Variants in SPRY3 observed in about 807,000 individuals in gnomAD.
The protein encoded by SPRY3 is protein sprouty homolog 3.
Under a neutral mutation model 20.2 loss-of-function variants are expected in SPRY3, and 15 were observed. The ratio of observed to expected loss-of-function variants is 0.74; its 90% CI spans 0.50 to 1.14. The LOEUF (loss-of-function observed/expected upper bound fraction) is 1.14. Ranked by LOEUF, SPRY3 falls within the 50% of genes most tolerant of loss-of-function variation. SPRY3 has a pLI of 0.00. For synonymous variants in SPRY3, 143 were observed against 136.5 expected (o/e 1.05, Z -0.33); for missense variants, 364 against 363.9 (o/e 1.00, Z 0.00).
intron 2 of SPRY3, among the ~76,000 whole-genome samples, chrX:155,751,614 A>G (rs2091262404): frequency 6.6e-6 from 1 of 151,814 alleles, no homozygotes; most frequent in Admixed American, 6.6e-5. Flanking sequence ...TAATGTAAGA[A>G]TTTTTTCCAA....
At chrX:155,686,480 C>T (rs1187997759) in intron 2 of SPRY3, among the ~76,000 whole-genome samples, 3 of 111,703 alleles carry the variant, frequency 2.7e-5, no homozygotes, top group East Asian at 2.8e-4. Context: ...CAGTCTGAGG[C>T]GTAGGTGAAG....
chrX:155,726,396 T>C (rs769944661), intron 2 of SPRY3, among the ~76,000 whole-genome samples: 170 of 152,278 alleles, frequency 1.1e-3, no homozygotes, highest in African/African-American at 3.9e-3. Context: ...TTCTCGTTTA[T>C]CTGTCTAATA....
intron 2 of SPRY3, among the ~76,000 whole-genome samples, chrX:155,745,775 C>T (rs1465650343): frequency 6.6e-6 from 1 of 151,874 alleles, no homozygotes; most frequent in Non-Finnish European, 1.5e-5. Context: ...TAGTAAGCAC[C>T]GAATATACAT....
intron 1 of SPRY3, chrX:155,613,035 C>A (rs1316021875): frequency 4.4e-5 from 5 of 112,398 alleles, no homozygotes; most frequent in African/African-American, 1.6e-4. Context: ...GGGCGTCAGT[C>A]TCCCATTCGG....
intron 1 of SPRY3, chrX:155,612,890 A>G (rs1419202981): frequency 9.3e-6 from 1 of 107,234 alleles, no homozygotes; most frequent in African/African-American, 3.4e-5. Context: ...TTGCCTTTTC[A>G]CCCCCAAAAC....
intron 1 of SPRY3, among the ~76,000 whole-genome samples, chrX:155,653,361 T>C (rs1354187996): frequency 8.9e-6 from 1 of 112,041 alleles, no homozygotes; most frequent in African/African-American, 3.2e-5. Flanking sequence ...TCTTCTAATA[T>C]TGGTACAGTT....
Position 155,690,570 on chromosome X carries a change from C to T in SPRY3, c.-282+33545C>T, listed in dbSNP as rs928287247. 1.0e-4 allele frequency among the ~76,000 whole-genome samples: 9 copies of T among 87,504 alleles called. 2 individuals carry two copies. Among genetic ancestry groups the T allele is most frequent in the African/African-American group, 5.0e-4 (9 of 18,181 alleles). The allele number at this position is 87,504 out of a possible 115,157, so 76.0% of individuals were successfully genotyped here. On this transcript the variant is annotated intron_variant, in intron 2 of 3. Transcript: ENST00000675360. ...TAATTTCAGACAAAACAGATTTAAA[C>T]CAACAAAGTTTTGAAAAGACAAAGA... is the stretch of plus-strand genomic sequence containing the variant.
At position 155,716,984 on chromosome X, in the gene SPRY3, ATATAT is replaced by A. The variant is rs1569384490; in HGVS notation, c.-281-50977_-281-50973del. ...CCCTGTTTCCACTAAAATACAAAAT[ATATAT>A]ATATATATATATATATATATATAGC... On this transcript the variant is annotated intron_variant, in intron 2 of 3. Transcript: ENST00000675360. Among the ~76,000 whole-genome samples, 184 of 118,870 alleles carry A rather than the reference ATATAT, an allele frequency of 1.5e-3. 5 individuals carry two copies. Among genetic ancestry groups the A allele is most frequent in the Admixed American group, 2.3e-3 (27 of 11,832 alleles). The allele number at this position is 118,870 out of a possible 152,430, so 78.0% of individuals were successfully genotyped here.
At chrX:155,770,062 A>G (rs2091371573) in intron 3 of SPRY3, among the ~76,000 whole-genome samples, 1 of 152,190 alleles carries the variant, frequency 6.6e-6, no homozygotes, top group Admixed American at 6.5e-5. Flanking sequence ...ATATAACAGC[A>G]GAGCATAGAA....
At chrX:155,655,066 G>C (rs2067987955) in intron 1 of SPRY3, among the ~76,000 whole-genome samples, 1 of 111,222 alleles carries the variant, frequency 9.0e-6, no homozygotes, top group Non-Finnish European at 1.9e-5. Flanking sequence ...ATTCTGACTG[G>C]TATACAATGA....
downstream of SPRY3, chrX:155,777,976 A>G (rs1187529396): frequency 2.4e-5 from 4 of 166,970 alleles, no homozygotes; most frequent in Non-Finnish European, 5.9e-5. Flanking sequence ...TGCTTACTAT[A>G]TGCTAAGCAC....
rs73562843 is a variant in SPRY3 at position 155,686,283 on chromosome X, C to T, written c.-282+29258C>T. 7.9e-3 allele frequency among the ~76,000 whole-genome samples: 875 copies of T among 111,030 alleles called. 15 individuals carry two copies. The highest frequency in any genetic ancestry group is 0.027 in the African/African-American group (823 of 30,536). On this transcript the variant is annotated intron_variant, in intron 2 of 3. Coordinates refer to ENST00000675360, the Ensembl canonical transcript of SPRY3. ...ATCTATTGTCCTTTCCCATGCAAGC[C>T]GAGATTTTCATGCTTCTTTGTACGC...
intron 3 of SPRY3, among the ~76,000 whole-genome samples, chrX:155,770,394 A>G (rs1407187560): frequency 3.3e-5 from 5 of 152,190 alleles, no homozygotes; most frequent in Admixed American, 6.5e-5. Flanking sequence ...TAGTCCCTAA[A>G]TTGGCATAAG....
intron 2 of SPRY3, among the ~76,000 whole-genome samples, chrX:155,712,818 T>C (rs1318446376): frequency 6.6e-6 from 1 of 151,582 alleles, no homozygotes; most frequent in Non-Finnish European, 1.5e-5. Context: ...TAATTTCTTG[T>C]TTTTTATTTT....
At chrX:155,669,179 A>G (rs1385465029) in intron 2 of SPRY3, among the ~76,000 whole-genome samples, 1 of 111,638 alleles carries the variant, frequency 9.0e-6, no homozygotes, top group East Asian at 2.8e-4. Flanking sequence ...AATCAAAATT[A>G]TAATACTATA....
intron 2 of SPRY3, among the ~76,000 whole-genome samples, chrX:155,721,996 TACA>T (rs780282469): frequency 1.1e-3 from 163 of 151,906 alleles, no homozygotes; most frequent in African/African-American, 3.8e-3. Context: ...AAACAATAAC[TACA>T]ACAACTCTTC....
intron 3 of SPRY3, among the ~76,000 whole-genome samples, chrX:155,772,237 C>T (rs2091385378): frequency 1.3e-5 from 2 of 152,108 alleles, no homozygotes; most frequent in African/African-American, 4.8e-5. Flanking sequence ...GATGTAAATT[C>T]AGCTTATCAG....
chrX:155,759,927 G>A (rs1212376677), intron 2 of SPRY3, among the ~76,000 whole-genome samples: 1 of 152,186 alleles, frequency 6.6e-6, no homozygotes, highest in East Asian at 1.9e-4. Flanking sequence ...ACTTCCTCCA[G>A]GAAGCCTTCC....
chrX:155,749,310 G>A (rs2091246739), intron 2 of SPRY3, among the ~76,000 whole-genome samples: 1 of 151,748 alleles, frequency 6.6e-6, no homozygotes, highest in South Asian at 2.1e-4. Context: ...ATTCCAGTCA[G>A]AGGCTAGAGA....
Sources: gnomAD v4.1 joint callset for allele counts (sites outside exome capture counted in the v4.1 genomes callset) on GRCh38, gnomAD v4.1.1 for gene constraint, MANE v1.5 for transcripts, NCBI Gene and HGNC (gene_info 2026-07-23, HGNC 2026-07-21) for gene names.